Variants in MTMR3 observed in about 807,000 individuals in gnomAD.
MTMR3 encodes myotubularin related protein 3, also known as phosphatidylinositol-3,5-bisphosphate 3-phosphatase MTMR3.
A neutral mutation model predicts 132.4 loss-of-function variants in MTMR3; 32 were observed. The observed-to-expected ratio is 0.24, with a 90% CI of 0.18 to 0.32. MTMR3 has a LOEUF of 0.32. Among genes scored for constraint, MTMR3 ranks in the 10% least tolerant of loss-of-function variants. MTMR3 has a pLI of 1.00. For synonymous variants in MTMR3, 556 were observed against 550.3 expected (o/e 1.01, Z -0.14); for missense variants, 1,216 against 1,489.6 (o/e 0.82, Z 3.02).
chr22:30,019,277 T>G (rs2067685859), intron 16 of MTMR3: 1 of 578,546 alleles, frequency 1.7e-6, no homozygotes, highest in Non-Finnish European at 3.1e-6. Flanking sequence ...TGGGGGAGTT[T>G]GAAAGGAAAT....
At chr22:29,995,372 G>C (rs1014322175) in intron 7 of MTMR3, 1 of 152,190 alleles carries the variant, frequency 6.6e-6, no homozygotes, top group African/African-American at 2.4e-5. Context: ...CCAGGTAAAG[G>C]CCTGTCCCTT....
intron 1 of MTMR3, among the ~76,000 whole-genome samples, chr22:29,923,582 A>G (rs2065461551): frequency 6.6e-6 from 1 of 152,000 alleles, no homozygotes; most frequent in South Asian, 2.1e-4. Context: ...TCAAGTCTTT[A>G]TTAGTTTTCT....
chr22:29,971,203 C>G (rs1238013192), intron 3 of MTMR3, 141 bp downstream of exon 3: 2 of 768,172 alleles, frequency 2.6e-6, no homozygotes, highest in Admixed American at 4.1e-5. Flanking sequence ...TCTCTTGTGT[C>G]TTTTCTTTTC....
chr22:29,976,705 G>A (rs1245833994), intron 3 of MTMR3, among the ~76,000 whole-genome samples: 3 of 152,080 alleles, frequency 2.0e-5, no homozygotes, highest in Non-Finnish European at 2.9e-5. Flanking sequence ...CAATAATACC[G>A]TAATATTATT....
intron 1 of MTMR3, among the ~76,000 whole-genome samples, chr22:29,895,900 C>A (rs1466852274): frequency 6.6e-6 from 1 of 152,204 alleles, no homozygotes; most frequent in Non-Finnish European, 1.5e-5. Context: ...TGTCGCACAT[C>A]ACAATCCAAC....
chr22:29,911,655 G>A (rs147043926), intron 1 of MTMR3, among the ~76,000 whole-genome samples: 3 of 151,512 alleles, frequency 2.0e-5, no homozygotes, highest in Non-Finnish European at 4.4e-5. Context: ...CATTTCTCCA[G>A]TGGGCTTTCT....
chr22:29,984,908 T>C (rs1046969152), intron 5 of MTMR3: 5 of 151,702 alleles, frequency 3.3e-5, no homozygotes, highest in African/African-American at 1.2e-4. Context: ...CCGTGTATGG[T>C]GGAAGGAGCC....
intron 4 of MTMR3, 130 bp downstream of exon 4, chr22:29,978,661 G>T (rs1332302146): frequency 4.3e-6 from 3 of 697,144 alleles, no homozygotes; most frequent in East Asian, 2.8e-5. Context: ...ATGCAAGCTG[G>T]AAAACATCTC....
chr22:29,933,472 T>G (rs1008801918), intron 1 of MTMR3, among the ~76,000 whole-genome samples: 1 of 152,126 alleles, frequency 6.6e-6, no homozygotes, highest in Non-Finnish European at 1.5e-5. Flanking sequence ...ATCAGAATTT[T>G]TAGTATATTT....
chr22:30,019,387 G>A, intron 16 of MTMR3, 93 bp from the exon 17 acceptor site: 1 of 1,225,978 alleles, frequency 8.2e-7, no homozygotes, highest in Admixed American at 2.4e-5. Flanking sequence ...AATGGACCCA[G>A]TTATGAAACA....
At chr22:29,999,845 C>A (rs1807508) in intron 8 of MTMR3, 1 of 151,972 alleles carries the variant, frequency 6.6e-6, no homozygotes, top group Non-Finnish European at 1.5e-5. Context: ...AACACTGTCT[C>A]TACTAAAAAT....
At chr22:29,891,081 A>G (rs1256402652) in intron 1 of MTMR3, among the ~76,000 whole-genome samples, 1 of 151,716 alleles carries the variant, frequency 6.6e-6, no homozygotes, top group Non-Finnish European at 1.5e-5. Context: ...AAAAATTGAT[A>G]GGACTTCGTG....
chr22:29,955,188 G>A (rs917229046), intron 1 of MTMR3, among the ~76,000 whole-genome samples: 2 of 152,082 alleles, frequency 1.3e-5, no homozygotes, highest in African/African-American at 4.8e-5. Context: ...GTCTTCCCAT[G>A]TTGCCTGGAC....
chr22:29,896,516 G>T (rs573854870), intron 1 of MTMR3, among the ~76,000 whole-genome samples: 5 of 152,048 alleles, frequency 3.3e-5, no homozygotes, highest in Non-Finnish European at 7.3e-5. Flanking sequence ...CGTCTCCTTT[G>T]CAACACTTCT....
chr22:30,007,952 A>G lies in MTMR3; in HGVS notation c.929A>G (p.Gln310Arg), dbSNP rs77189465. Residue 310 changes from glutamine (Q) to arginine (R), a missense_variant, in exon 11 of 20, where the codon CAG (glutamine) becomes CGG (arginine). Coordinates refer to ENST00000401950, the MANE Select transcript of MTMR3 (RefSeq NM_021090.4). The stretch of plus-strand genomic sequence containing the variant: ...GCAGAGAGTTTAGCCATCCAACCGC[A>G]GAAGCTTTTGATCTTGGATGCACGC... Reference protein sequence around the residue: ...SGAESLAIQPQKLLILDARSY... With the variant: ...SGAESLAIQPRKLLILDARSY... 528 of 1,613,672 alleles carry G rather than the reference A, an allele frequency of 3.3e-4. No homozygotes were observed. The highest frequency in any genetic ancestry group is 4.1e-4 in the Non-Finnish European group (482 of 1,180,014).
intron 3 of MTMR3, among the ~76,000 whole-genome samples, chr22:29,977,930 TGA>T (rs1462106808): frequency 1.3e-5 from 2 of 152,174 alleles, no homozygotes; most frequent in African/African-American, 4.8e-5. Context: ...CTGGATCACC[TGA>T]GGCCAGGAGT....
Position 30,020,852 on chromosome 22 carries a change from C to T in MTMR3, c.3193C>T (p.Leu1065=). Reference sequence around the variant, plus strand: ...GGAGAGCCAGTACCTGACCAGCTCCCTACACTTTAATGGAGACTTTGGGGA... The same window carrying T: ...GGAGAGCCAGTACCTGACCAGCTCCTTACACTTTAATGGAGACTTTGGGGA... ...RLESQYLTSS[L]HFNGDFGDEV... The change falls in exon 17 of 20, where the codon CTA becomes TTA. Residue 1065 remains leucine, a synonymous_variant. Coordinates refer to ENST00000401950, the MANE Select transcript of MTMR3 (RefSeq NM_021090.4). 3 of 1,602,276 alleles carry T rather than the reference C, an allele frequency of 1.9e-6. No individual in the cohort carries two copies. The highest frequency in any genetic ancestry group is 2.2e-5 in the East Asian group (1 of 44,472).
intron 1 of MTMR3, among the ~76,000 whole-genome samples, chr22:29,904,279 G>A (rs73396823): frequency 0.037 from 5,636 of 152,286 alleles, 370 homozygotes; most frequent in African/African-American, 0.13. Flanking sequence ...ACGGCAGGCT[G>A]TATATTGTTA....
chr22:29,984,700 A>T (rs1392345956), intron 5 of MTMR3: 2 of 152,258 alleles, frequency 1.3e-5, no homozygotes, highest in Non-Finnish European at 1.5e-5. Flanking sequence ...ACATTGAATC[A>T]GTACGTTTGA....
Sources: allele counts gnomAD v4.1 joint callset (sites outside exome capture counted in the v4.1 genomes callset), GRCh38; gene constraint gnomAD v4.1.1; transcripts MANE v1.5; gene names NCBI Gene and HGNC (gene_info 2026-07-23, HGNC 2026-07-21).